RYR2: variants seen among roughly 807,000 people sequenced by gnomAD.
The protein encoded by RYR2 is cardiac muscle ryanodine receptor-calcium release channel.
RYR2 carries 227 observed loss-of-function variants against 601.1 expected under a neutral mutation model. The observed-to-expected ratio is 0.38, with a 90% CI of 0.34 to 0.42. The LOEUF is 0.42. Ranked by LOEUF, RYR2 falls within the 10% of genes least tolerant of loss-of-function variation. The pLI is 1.00. For synonymous variants in RYR2, 2,223 were observed against 2,175.1 expected, an observed-to-expected ratio of 1.02 and a Z score of -0.61; for missense variants, 4,646 against 6,156.5, an observed-to-expected ratio of 0.75 and a Z score of 8.21.
chr1:237,380,181 A>G (rs1701341936), intron 8 of RYR2, among the ~76,000 whole-genome samples: 1 of 151,150 alleles, frequency 6.6e-6, no homozygotes, highest in African/African-American at 2.4e-5. Context: ...TGTGGATTCA[A>G]AGACTTATTT....
chr1:237,216,561 A>G (rs1490359003), intron 1 of RYR2, among the ~76,000 whole-genome samples: 1 of 151,968 alleles, frequency 6.6e-6, no homozygotes, highest in Non-Finnish European at 1.5e-5. Flanking sequence ...AACATGGTGA[A>G]ACCCTGTCTC....
chr1:237,110,675 A>C (rs1669370634), intron 1 of RYR2, among the ~76,000 whole-genome samples: 1 of 152,104 alleles, frequency 6.6e-6, no homozygotes. Context: ...AGGTAGGGGC[A>C]CACCTGCTAT....
chr1:237,216,686 A>C (rs1683191538), intron 1 of RYR2, among the ~76,000 whole-genome samples: 1 of 151,550 alleles, frequency 6.6e-6, no homozygotes, highest in Middle Eastern at 3.2e-3. Context: ...GCAGTGAGCG[A>C]GATCGTACTA....
intron 1 of RYR2, among the ~76,000 whole-genome samples, chr1:237,107,789 C>A (rs1001351576): frequency 6.6e-6 from 1 of 152,168 alleles, no homozygotes; most frequent in East Asian, 1.9e-4. Context: ...CGGTGTCCTG[C>A]AGCCTTAGTT....
chr1:237,374,824 G>A (rs369786861), intron 7 of RYR2, 29 bp downstream of exon 7: 15 of 1,578,360 alleles, frequency 9.5e-6, no homozygotes, highest in Middle Eastern at 1.7e-4. Context: ...GGGAAGCCAG[G>A]TTCAGAGAGA....
chr1:237,760,872 A>G (rs769085493), intron 83 of RYR2, 83 bp from the exon 84 acceptor site: 302 of 808,398 alleles, frequency 3.7e-4, no homozygotes, highest in Non-Finnish European at 5.6e-4. Context: ...TCCAAGATAT[A>G]TGGTGTTTAG....
In RYR2 at chr1:237,590,765, G is replaced by A. The variant is rs573948177; in HGVS notation, c.3933G>A (p.Ala1311=). ...FYRLSMPIEC[A]EVFSKTVAGG... ...GCCTGAGCATGCCGATCGAGTGCGCGGAGGTCTTCTCCAAGACGGTGGCTG... is the reference window on the plus strand; with the variant it reads ...GCCTGAGCATGCCGATCGAGTGCGCAGAGGTCTTCTCCAAGACGGTGGCTG... The change falls in exon 31 of 105, where the codon GCG becomes GCA. Residue 1311 remains alanine, a synonymous_variant. Transcript: ENST00000366574. 8.6e-5 allele frequency: 139 copies of A among 1,613,832 alleles called. No homozygotes were observed. The South Asian group carries it at 1.2e-3, about 14-fold the overall frequency.
chr1:237,377,318 T>C lies in RYR2; in HGVS notation c.464-5T>C. The C allele has an allele frequency of 6.2e-7, 1 of 1,607,354 alleles. No homozygotes were observed. Among genetic ancestry groups the C allele is most frequent in the Non-Finnish European group, 8.5e-7 (1 of 1,176,074 alleles). ...TTCATGTTTCACATATCCGTATATC[T>C]GCAGGGGAGGCTTGTTGGTGGACCA... On this transcript the variant is annotated splice_polypyrimidine_tract_variant and splice_region_variant and intron_variant, in intron 7 of 104. Transcript: ENST00000366574.
chr1:237,289,258 A>G (rs547644408), intron 2 of RYR2, among the ~76,000 whole-genome samples: 1 of 152,156 alleles, frequency 6.6e-6, no homozygotes, highest in East Asian at 1.9e-4. Context: ...TCTAAAATTA[A>G]CAATGCGAGC....
intron 1 of RYR2, among the ~76,000 whole-genome samples, chr1:237,131,524 T>C (rs1219115716): frequency 3.3e-5 from 5 of 152,022 alleles, no homozygotes; most frequent in Non-Finnish European, 5.9e-5. Context: ...ATAGCTATGA[T>C]TAATAAGTTG....
chr1:237,110,019 G>A (rs959270989), intron 1 of RYR2, among the ~76,000 whole-genome samples: 2 of 152,150 alleles, frequency 1.3e-5, no homozygotes, highest in South Asian at 2.1e-4. Flanking sequence ...CTAATCCCCC[G>A]GCCCCACTTT....
intron 1 of RYR2, among the ~76,000 whole-genome samples, chr1:237,128,329 GTCCAGCT>G (rs1671771218): frequency 6.6e-6 from 1 of 152,212 alleles, no homozygotes; most frequent in African/African-American, 2.4e-5. Flanking sequence ...CAGCAGTACA[GTCCAGCT>G]TCGGCTCAGC....
intron 36 of RYR2, among the ~76,000 whole-genome samples, chr1:237,613,451 T>A (rs1430049009): frequency 6.6e-6 from 1 of 152,170 alleles, no homozygotes; most frequent in Non-Finnish European, 1.5e-5. Flanking sequence ...CACTAGAGAC[T>A]TTTTTGTTGT....
At chr1:237,042,819 A>C (rs1660075449) in intron 1 of RYR2, among the ~76,000 whole-genome samples, 1 of 152,058 alleles carries the variant, frequency 6.6e-6, no homozygotes, top group East Asian at 2.0e-4. Context: ...AGCCGGCGGC[A>C]GGCGCCCGGG....
intron 23 of RYR2, among the ~76,000 whole-genome samples, chr1:237,510,270 G>A (rs1218110592): frequency 6.6e-6 from 1 of 152,088 alleles, no homozygotes; most frequent in Non-Finnish European, 1.5e-5. Flanking sequence ...GGATGTAGCA[G>A]GAGAAGGAAG....
At chr1:237,049,648 C>G (rs1424419604) in intron 1 of RYR2, among the ~76,000 whole-genome samples, 1 of 152,110 alleles carries the variant, frequency 6.6e-6, no homozygotes, top group African/African-American at 2.4e-5. Context: ...ATTACAGGCC[C>G]TGAAAGCTGA....
chr1:237,469,129 A>G lies in RYR2; in HGVS notation c.1650A>G (p.Gln550=), dbSNP rs1660402221. 6.2e-7 allele frequency: 1 copy of G among 1,613,304 alleles called. No individual in the cohort carries two copies. Residue 550 remains glutamine (Q), a synonymous_variant, in exon 17 of 105, where the codon CAA becomes CAG. Coordinates refer to ENST00000366574, the MANE Select transcript of RYR2 (RefSeq NM_001035.3). ...GAGGAAATCGTAAAAACTGTGCTCAATTTTCTGGCTCCCTCGACTGGTTGA... is the reference window on the plus strand; with the variant it reads ...GAGGAAATCGTAAAAACTGTGCTCAGTTTTCTGGCTCCCTCGACTGGTTGA... ...LIRGNRKNCA[Q]FSGSLDWLIS...
intron 78 of RYR2, among the ~76,000 whole-genome samples, chr1:237,733,082 C>T (rs534420709): frequency 8.5e-5 from 13 of 152,264 alleles, no homozygotes; most frequent in Non-Finnish European, 1.6e-4. Flanking sequence ...GAGCAACTCT[C>T]TCTCTGGCAT....
chr1:237,749,787 G>A (rs1692388684), intron 80 of RYR2, among the ~76,000 whole-genome samples: 1 of 152,034 alleles, frequency 6.6e-6, no homozygotes, highest in Non-Finnish European at 1.5e-5. Context: ...CATTTGTGGA[G>A]GATTGAAAAA....
Sources: gnomAD v4.1 joint callset for allele counts (sites outside exome capture counted in the v4.1 genomes callset) on GRCh38, gnomAD v4.1.1 for gene constraint, MANE v1.5 for transcripts, NCBI Gene and HGNC (gene_info 2026-07-23, HGNC 2026-07-21) for gene names.